SYCP1: variants seen among roughly 807,000 people sequenced by gnomAD.
SYCP1 encodes synaptonemal complex protein 1.
A neutral mutation model predicts 153.1 loss-of-function variants in SYCP1; 64 were observed. The ratio of observed to expected loss-of-function variants is 0.42; its 90% CI spans 0.34 to 0.51. The LOEUF is 0.51. SYCP1 is among the 20% of genes least tolerant of loss of function. The pLI, the probability that SYCP1 is intolerant of heterozygous loss-of-function variation, is 0.06. For synonymous variants in SYCP1, 384 were observed against 341.8 expected, an observed-to-expected ratio of 1.12 and a Z score of -1.36; for missense variants, 997 against 1,049.0, an observed-to-expected ratio of 0.95 and a Z score of 0.68.
intron 15 of SYCP1, among the ~76,000 whole-genome samples, chr1:114,892,470 G>A (rs193095404): frequency 9.8e-5 from 15 of 152,298 alleles, no homozygotes; most frequent in East Asian, 7.7e-4. Flanking sequence ...ATGTGACCCC[G>A]CTGCTGGGGG....
intron 8 of SYCP1, among the ~76,000 whole-genome samples, chr1:114,861,779 G>C (rs1426271689): frequency 6.7e-6 from 1 of 150,294 alleles, no homozygotes; most frequent in Non-Finnish European, 1.5e-5. Flanking sequence ...TTCTAACATT[G>C]ACTGTTAGGT....
At chr1:114,915,123 A>C (rs1668434968) in intron 20 of SYCP1, among the ~76,000 whole-genome samples, 1 of 152,168 alleles carries the variant, frequency 6.6e-6, no homozygotes, top group Admixed American at 6.5e-5. Context: ...GAAAAAAACA[A>C]ACAAAAAATC....
intron 26 of SYCP1, 102 bp downstream of exon 26, chr1:114,946,483 A>C (rs1670717058): frequency 1.6e-6 from 1 of 636,676 alleles, no homozygotes; most frequent in Non-Finnish European, 2.6e-6. Context: ...TGAGCTATAG[A>C]ATCAGAGTCT....
intron 16 of SYCP1, among the ~76,000 whole-genome samples, chr1:114,901,776 T>C (rs1667460906): frequency 6.6e-6 from 1 of 152,078 alleles, no homozygotes; most frequent in African/African-American, 2.4e-5. Context: ...ATATAAATAG[T>C]GATCCCCATC....
intron 5 of SYCP1, among the ~76,000 whole-genome samples, chr1:114,858,128 C>A (rs1294109587): frequency 6.6e-6 from 1 of 151,940 alleles, no homozygotes; most frequent in Non-Finnish European, 1.5e-5. Context: ...TATATCTTGT[C>A]TTCACTTTTA....
At chr1:114,889,490 A>G (rs777792262) in intron 15 of SYCP1, among the ~76,000 whole-genome samples, 23 of 152,182 alleles carry the variant, frequency 1.5e-4, no homozygotes, top group Non-Finnish European at 1.0e-4. Context: ...TGTTGGCTGC[A>G]TAAATGTCTT....
At chr1:114,918,012 G>C (rs1400140177) in intron 20 of SYCP1, among the ~76,000 whole-genome samples, 3 of 150,430 alleles carry the variant, frequency 2.0e-5, no homozygotes, top group Admixed American at 2.0e-4. Context: ...ATCTATTTTT[G>C]CTTTGGTTGT....
chr1:114,986,028 T>C (rs1418961655), intron 30 of SYCP1, among the ~76,000 whole-genome samples: 2 of 151,896 alleles, frequency 1.3e-5, no homozygotes, highest in East Asian at 3.9e-4. Context: ...AACCTAGAGA[T>C]GATTAAAGTA....
At chr1:114,955,244 A>T (rs1671360852) in intron 27 of SYCP1, among the ~76,000 whole-genome samples, 1 of 152,112 alleles carries the variant, frequency 6.6e-6, no homozygotes, top group Non-Finnish European at 1.5e-5. Flanking sequence ...AATAAATCCC[A>T]TTTGGTGTAT....
chr1:114,952,928 G>A lies in SYCP1; in HGVS notation c.2322+5608G>A, dbSNP rs185355784. Among the ~76,000 whole-genome samples the A allele has an allele frequency of 1.1e-3, 160 of 152,276 alleles. 2 individuals are homozygous for A. The highest frequency in any genetic ancestry group is 3.7e-3 in the African/African-American group (153 of 41,566). On this transcript the variant is annotated intron_variant, in intron 27 of 31. Transcript: ENST00000369522. ...TGGGTAATTTATAAAGAACAGAAAT[G>A]TATTTTTCTCACAGTTCTGGAAAAT...
intron 30 of SYCP1, among the ~76,000 whole-genome samples, chr1:114,993,574 G>A (rs1050292822): frequency 2.6e-5 from 4 of 151,306 alleles, no homozygotes; most frequent in African/African-American, 7.3e-5. Flanking sequence ...TTATAAAATT[G>A]TTATGAAGAT....
intron 30 of SYCP1, among the ~76,000 whole-genome samples, chr1:114,987,302 C>T (rs1185174828): frequency 1.3e-5 from 2 of 151,942 alleles, no homozygotes; most frequent in African/African-American, 4.8e-5. Flanking sequence ...CAAACAAAAA[C>T]AGAAAATCCC....
intron 26 of SYCP1, 49 bp from the exon 27 acceptor site, chr1:114,947,197 T>G: frequency 5.1e-6 from 7 of 1,362,224 alleles, no homozygotes; most frequent in African/African-American, 1.4e-5. Flanking sequence ...TTCATTGTCT[T>G]GAGAAATACA....
intron 23 of SYCP1, among the ~76,000 whole-genome samples, chr1:114,932,840 A>C (rs914224392): frequency 6.6e-6 from 1 of 152,236 alleles, no homozygotes. Context: ...GCAAGGAGGC[A>C]GTGAGACTGG....
chr1:114,923,337 T>C, intron 20 of SYCP1, 112 bp from the exon 21 acceptor site: 1 of 1,256,600 alleles, frequency 8.0e-7, no homozygotes, highest in Non-Finnish European at 1.1e-6. Flanking sequence ...TTTTGGTTTT[T>C]TACATTTGGT....
chr1:114,878,691 G>GT (rs1295497280), intron 12 of SYCP1, among the ~76,000 whole-genome samples: 2 of 152,074 alleles, frequency 1.3e-5, no homozygotes, highest in Admixed American at 6.5e-5. Context: ...CTATAGGTGT[G>GT]TACCACCACG....
intron 27 of SYCP1, among the ~76,000 whole-genome samples, chr1:114,950,151 G>C (rs2101841993): frequency 6.6e-6 from 1 of 152,298 alleles, no homozygotes; most frequent in African/African-American, 2.4e-5. Context: ...AGCAAAAGTG[G>C]CTTTTCTGAG....
At chr1:114,871,360 G>A (rs549362471) in intron 8 of SYCP1, among the ~76,000 whole-genome samples, 70 of 151,876 alleles carry the variant, frequency 4.6e-4, no homozygotes, top group African/African-American at 1.7e-3. Context: ...TAGTGACGGG[G>A]TTTTGTCATG....
intron 23 of SYCP1, among the ~76,000 whole-genome samples, chr1:114,938,058 A>G (rs528301179): frequency 1.3e-5 from 2 of 152,344 alleles, no homozygotes; most frequent in Admixed American, 1.3e-4. Flanking sequence ...TATATACCCA[A>G]AGGATTATAA....
Sources: gnomAD v4.1 joint callset for allele counts (sites outside exome capture counted in the v4.1 genomes callset) on GRCh38, gnomAD v4.1.1 for gene constraint, MANE v1.5 for transcripts, NCBI Gene and HGNC (gene_info 2026-07-23, HGNC 2026-07-21) for gene names.